Variants in MYRF observed in about 807,000 individuals in gnomAD.
MYRF encodes the protein myelin gene regulatory factor.
MYRF carries 16 observed loss-of-function variants against 126.3 expected under a neutral mutation model. The ratio of observed to expected loss-of-function variants is 0.13; its 90% CI spans 0.09 to 0.19. The LOEUF (loss-of-function observed/expected upper bound fraction) is 0.19, where lower values mean the gene tolerates loss of function less well. Among genes scored for constraint, MYRF ranks in the 10% least tolerant of loss-of-function variants. The pLI, the probability that MYRF is intolerant of heterozygous loss-of-function variation, is 1.00. For missense variants in MYRF, 1,104 were observed against 1,547.0 expected (o/e 0.71, Z 4.80); for synonymous variants, 608 against 635.3 (o/e 0.96, Z 0.65).
chr11:61,755,521 T>C, intron 1 of MYRF: 2 of 1,534,100 alleles, frequency 1.3e-6, no homozygotes, highest in African/African-American at 2.7e-5. Context: ...CTGAGAATCC[T>C]GCCAGGACCT....
chr11:61,784,373 C>T lies in MYRF; in HGVS notation c.3288C>T (p.His1096=), dbSNP rs2066635984. 2 of 1,613,380 alleles carry T rather than the reference C, an allele frequency of 1.2e-6. No homozygotes were observed. The highest frequency in any genetic ancestry group is 1.3e-5 in the African/African-American group (1 of 74,920). The change falls in exon 25 of 27, where the codon CAC becomes CAT. Residue 1096 remains histidine, a synonymous_variant. Transcript: ENST00000278836. ...GCCTTCCACAGAGTCTCCACACCCA[C>T]CAGGACACCCAGGTAGGTGGGACTG... ...EGSLPQSLHT[H]QDTQGTSHRW... is the part of the protein sequence containing the mutation.
intron 1 of MYRF, among the ~76,000 whole-genome samples, chr11:61,756,701 G>A (rs1367772521): frequency 1.3e-5 from 2 of 151,906 alleles, no homozygotes; most frequent in South Asian, 2.1e-4. Context: ...GGTGGGGGAC[G>A]CACCCCAGAA....
At chr11:61,770,571 A>C in intron 5 of MYRF, 46 bp downstream of exon 5, 1 of 1,288,162 alleles carries the variant, frequency 7.8e-7, no homozygotes, top group Non-Finnish European at 1.1e-6. Context: ...GGTGGGGTAC[A>C]GGGACCAGGG....
intron 3 of MYRF, chr11:61,766,555 C>T (rs1269516606): frequency 3.0e-6 from 1 of 330,616 alleles, no homozygotes; most frequent in Non-Finnish European, 5.6e-6. Flanking sequence ...GGAACACCTG[C>T]ATACCCGTGC....
Position 61,779,115 on chromosome 11 carries a change from C to T in MYRF, c.2014-148C>T, listed in dbSNP as rs113417680. The T allele has an allele frequency of 3.6e-4, 304 of 848,670 alleles. 2 individuals carry two copies. The African/African-American group carries it at 4.4e-3, about 12-fold the overall frequency. 52.6% of individuals were successfully genotyped at this position (848,670 alleles called of 1,614,324 possible). A position where few individuals can be genotyped will look rare whatever the true frequency, so the allele number is the denominator to read the frequency against. On this transcript the variant is annotated intron_variant, in intron 14 of 26. Coordinates refer to ENST00000278836, the MANE Select transcript of MYRF (RefSeq NM_001127392.3). ...GAGCCGAGGCTGGATTGGAGGGGCCCGCCCAGGTAGGGAGACTTTGAGGGC... is the reference window on the plus strand; with the variant it reads ...GAGCCGAGGCTGGATTGGAGGGGCCTGCCCAGGTAGGGAGACTTTGAGGGC...
chr11:61,764,573 G>C (rs895756247), intron 1 of MYRF, among the ~76,000 whole-genome samples: 3 of 152,182 alleles, frequency 2.0e-5, no homozygotes, highest in African/African-American at 7.2e-5. Flanking sequence ...CTGTGGGAGG[G>C]GCCCTCCTGC....
At chr11:61,764,264 G>A (rs1403291241) in intron 1 of MYRF, among the ~76,000 whole-genome samples, 4 of 152,216 alleles carry the variant, frequency 2.6e-5, no homozygotes, top group African/African-American at 9.6e-5. Context: ...GGGCCTGGGC[G>A]GGGGGCTCCC....
intron 1 of MYRF, among the ~76,000 whole-genome samples, chr11:61,763,825 A>G (rs7944894): frequency 1.3e-5 from 2 of 152,186 alleles, no homozygotes; most frequent in Non-Finnish European, 2.9e-5. Flanking sequence ...AGATTGCACC[A>G]CTGCACTCCA....
Position 61,786,148 on chromosome 11 carries a change from C to T in MYRF, c.*5C>T, listed in dbSNP as rs1362590784. ...TTCTACCGCCTGTGTGACTGAGCTGCCCTCCTGAGGCAGCACCACACCAGG... is the reference window on the plus strand; with the variant it reads ...TTCTACCGCCTGTGTGACTGAGCTGTCCTCCTGAGGCAGCACCACACCAGG... On this transcript the variant is annotated 3_prime_UTR_variant, in exon 27 of 27. Transcript: ENST00000278836. This position sits in a 1 kb window ranked among gnomAD's most constrained non-coding sequence, Gnocchi z 4.5. The T allele has an allele frequency of 1.2e-6, 2 of 1,613,942 alleles. No individual in the cohort carries two copies. Among genetic ancestry groups the T allele is most frequent in the African/African-American group, 1.3e-5 (1 of 74,952 alleles).
chr11:61,764,995 A>C (rs2066014188), intron 1 of MYRF, among the ~76,000 whole-genome samples: 1 of 152,192 alleles, frequency 6.6e-6, no homozygotes, highest in Admixed American at 6.5e-5. Flanking sequence ...GGGTGCAGGG[A>C]GCTCTCCTGA....
At chr11:61,769,658 G>T (rs1050238199) in intron 4 of MYRF, among the ~76,000 whole-genome samples, 1 of 152,152 alleles carries the variant, frequency 6.6e-6, no homozygotes, top group South Asian at 2.1e-4. Flanking sequence ...CACCTTAGAG[G>T]GTGCTCAGGG....
chr11:61,769,453 A>C, intron 4 of MYRF, 132 bp downstream of exon 4: 3 of 681,586 alleles, frequency 4.4e-6, no homozygotes, highest in Non-Finnish European at 5.1e-6. Flanking sequence ...CTGGTCAAAT[A>C]CTCCCTGGCG....
chr11:61,762,102 C>T (rs1375962115), intron 1 of MYRF, among the ~76,000 whole-genome samples: 1 of 152,194 alleles, frequency 6.6e-6, no homozygotes, highest in East Asian at 1.9e-4. Context: ...TGAATAGGAC[C>T]TGGCTTTCTC....
Position 61,755,812 on chromosome 11 carries a change from C to A in MYRF, c.46+3022C>A, listed in dbSNP as rs1003361031. 52 of 487,324 alleles carry A rather than the reference C, an allele frequency of 1.1e-4. 1 individual carries two copies. In the Admixed American group the frequency reaches 1.2e-3, roughly 11 times the overall value. 30.2% of individuals were successfully genotyped at this position (487,324 alleles called of 1,614,324 possible). ...TGAGCAACCAGTGTCCCCCAGAAAGCAGGTGGGTGTGCAGGGAGCCTTGGA... is the reference window on the plus strand; with the variant it reads ...TGAGCAACCAGTGTCCCCCAGAAAGAAGGTGGGTGTGCAGGGAGCCTTGGA... On this transcript the variant is annotated intron_variant, in intron 1 of 26. Transcript: ENST00000278836.
chr11:61,765,079 T>C (rs1231491940), intron 1 of MYRF, among the ~76,000 whole-genome samples: 2 of 152,202 alleles, frequency 1.3e-5, no homozygotes, highest in African/African-American at 2.4e-5. Context: ...GCCCCCAGGA[T>C]ATATGGTCCC....
Position 61,785,787 on chromosome 11 carries a change from C to T in MYRF, c.3301-13C>T, listed in dbSNP as rs1011359480. On this transcript the variant is annotated splice_polypyrimidine_tract_variant and intron_variant, in intron 25 of 26. Transcript: ENST00000278836. Reference sequence around the variant, plus strand: ...CAGCAGTCTGTCCTGACCCCTCTCTCCCTTCTCTCCAGGGCACCTCTCACC... The same window carrying T: ...CAGCAGTCTGTCCTGACCCCTCTCTTCCTTCTCTCCAGGGCACCTCTCACC... 2 of 1,613,080 alleles carry T rather than the reference C, an allele frequency of 1.2e-6. No individual in the cohort carries two copies. The highest frequency in any genetic ancestry group is 1.7e-6 in the Non-Finnish European group (2 of 1,179,006).
At position 61,755,341 on chromosome 11, in the gene MYRF, C is replaced by T. The variant is rs1355531873; in HGVS notation, c.46+2551C>T. 8 of 1,577,796 alleles carry T rather than the reference C, an allele frequency of 5.1e-6. No individual in the cohort carries two copies. The East Asian group carries it at 6.9e-5, about 14-fold the overall frequency. ...GCTGGTACAGCCGGGCCCCCGTGAC[C>T]GCCCGGCTAATCCCCTAGAGAGAGG... On this transcript the variant is annotated intron_variant, in intron 1 of 26. Transcript: ENST00000278836.
rs2066144066 is a variant in MYRF, at chr11:61,769,313, A to C, written c.452A>C (p.Gln151Pro). 1 of 1,609,734 alleles carries C rather than the reference A, an allele frequency of 6.2e-7. No individual in the cohort carries two copies. Among genetic ancestry groups the C allele is most frequent in the Non-Finnish European group, 8.5e-7 (1 of 1,178,630 alleles). ...GGCTCCGAGGCCTACTCCCCCCAGC[A>C]GGTGAATGGTGAGTCCAGCGGGCAC... ...DSGSEAYSPQ[Q>P]VNEPHLLRTI... Residue 151 changes from glutamine (Q) to proline (P), a missense_variant, in exon 4 of 27, where the codon CAG becomes CCG. Physicochemically the swap from Gln to Pro is moderately conservative, Grantham distance 76 (BLOSUM62 -1). Transcript: ENST00000278836.
Position 61,783,779 on chromosome 11 carries a change from C to A in MYRF, c.3120-72C>A. The A allele has an allele frequency of 6.8e-7, 1 of 1,481,254 alleles. No homozygotes were observed. The highest frequency in any genetic ancestry group is 1.2e-5 in the South Asian group (1 of 83,278). The allele number at this position is 1,481,254 out of a possible 1,614,324, so 91.8% of individuals were successfully genotyped here. On this transcript the variant is annotated intron_variant, in intron 23 of 26. Transcript: ENST00000278836. The surrounding 1 kb of genome is among the most constrained non-coding windows in gnomAD (Gnocchi z 4.6). ...GGAGGGCTCCAGTACAGATTGGGGG[C>A]TGAGGAGTCCCTGGTGGGGGTGGGG...
Sources: allele counts gnomAD v4.1 joint callset (sites outside exome capture counted in the v4.1 genomes callset), GRCh38; gene constraint gnomAD v4.1.1; non-coding constraint Gnocchi (gnomAD v3.1); transcripts MANE v1.5; gene names NCBI Gene and HGNC (gene_info 2026-07-23, HGNC 2026-07-21).